Variants in CNTNAP5 observed in about 807,000 individuals in gnomAD.
The protein encoded by CNTNAP5 is contactin associated protein family member 5.
A neutral mutation model predicts 150.2 loss-of-function variants in CNTNAP5; 72 were observed. The observed-to-expected ratio is 0.48, with a 90% CI of 0.40 to 0.58. The LOEUF (loss-of-function observed/expected upper bound fraction) is 0.58, where lower values mean the gene tolerates loss of function less well. Among genes scored for constraint, CNTNAP5 ranks in the 20% least tolerant of loss-of-function variants. The pLI is 0.00. For missense variants in CNTNAP5, 1,636 were observed against 1,626.2 expected, an observed-to-expected ratio of 1.01 and a Z score of -0.10; for synonymous variants, 672 against 619.8, an observed-to-expected ratio of 1.08 and a Z score of -1.25.
chr2:124,894,425 A>G (rs2104751387), intron 21 of CNTNAP5, among the ~76,000 whole-genome samples: 1 of 151,698 alleles, frequency 6.6e-6, no homozygotes, highest in African/African-American at 2.4e-5. Flanking sequence ...CACATGAGTC[A>G]TTTATTCTGA....
At chr2:124,437,981 TAA>T in intron 5 of CNTNAP5, among the ~76,000 whole-genome samples, 1 of 152,306 alleles carries the variant, frequency 6.6e-6, no homozygotes, top group South Asian at 2.1e-4. Context: ...AAATTCAGGC[TAA>T]GAGTGAAGAA....
At chr2:124,750,678 T>C (rs1020733842) in intron 14 of CNTNAP5, among the ~76,000 whole-genome samples, 1 of 151,510 alleles carries the variant, frequency 6.6e-6, no homozygotes, top group Admixed American at 6.6e-5. Flanking sequence ...GTAATGGTGG[T>C]TTTTGTCATT....
chr2:124,220,381 C>T (rs1686273733), intron 1 of CNTNAP5, among the ~76,000 whole-genome samples: 1 of 152,054 alleles, frequency 6.6e-6, no homozygotes, highest in African/African-American at 2.4e-5. Context: ...ATCCTGCCTC[C>T]CATTCTTTCC....
chr2:124,204,282 C>T (rs1005134491), intron 1 of CNTNAP5, among the ~76,000 whole-genome samples: 6 of 152,168 alleles, frequency 3.9e-5, no homozygotes, highest in Non-Finnish European at 5.9e-5. Flanking sequence ...CAACAAGTTC[C>T]TCATCTTCAT....
chr2:124,876,456 T>C (rs1041916191), intron 21 of CNTNAP5, among the ~76,000 whole-genome samples: 2 of 151,628 alleles, frequency 1.3e-5, no homozygotes, highest in African/African-American at 4.8e-5. Flanking sequence ...TGCTCTCCCT[T>C]TTTTAAGAGG....
rs538025786 is a variant in CNTNAP5 at position 124,775,968 on chromosome 2, T to C, written c.2752+2951T>C. On this transcript the variant is annotated intron_variant, in intron 17 of 23. Transcript: ENST00000682447. ...TTCCTGGTCAGATGCCAACAAGCCA[T>C]AGGCCCTGGGTAGAAAACTAACTAG... Among the ~76,000 whole-genome samples, 37 of 152,246 alleles carry C rather than the reference T, an allele frequency of 2.4e-4. No individual in the cohort carries two copies. In the South Asian group the frequency reaches 7.2e-3, roughly 30 times the overall value.
Position 124,919,405 on chromosome 2 carries a change from G to T in CNTNAP5, c.*5117G>T, listed in dbSNP as rs1429795502. Among the ~76,000 whole-genome samples the T allele has an allele frequency of 1.3e-5, 2 of 152,100 alleles. No homozygotes were observed. Among genetic ancestry groups the T allele is most frequent in the African/African-American group, 4.8e-5 (2 of 41,430 alleles). On this transcript the variant is annotated 3_prime_UTR_variant, in exon 24 of 24. Transcript: ENST00000682447. ...TTTGTAAGCTAGATGTCTGTCTTAT[G>T]TAATGTTTATAGTCTACAAAATGGC...
intron 3 of CNTNAP5, among the ~76,000 whole-genome samples, chr2:124,360,914 G>C (rs1558867471): frequency 6.9e-6 from 1 of 145,486 alleles, no homozygotes; most frequent in Non-Finnish European, 1.5e-5. Flanking sequence ...TTTCCAACTT[G>C]GTTCCCTTCT....
chr2:124,280,774 A>C (rs926251392), intron 3 of CNTNAP5, among the ~76,000 whole-genome samples: 7 of 152,118 alleles, frequency 4.6e-5, no homozygotes, highest in Admixed American at 6.5e-5. Context: ...CTAAAAAAAA[A>C]ATACATTTAT....
intron 1 of CNTNAP5, among the ~76,000 whole-genome samples, chr2:124,027,385 C>T (rs1285879341): frequency 6.6e-6 from 1 of 152,200 alleles, no homozygotes; most frequent in Non-Finnish European, 1.5e-5. Context: ...TTCAGCACAG[C>T]TGCCTATCTG....
chr2:124,474,134 T>C (rs914123922), intron 6 of CNTNAP5, among the ~76,000 whole-genome samples: 2 of 152,050 alleles, frequency 1.3e-5, no homozygotes, highest in African/African-American at 4.8e-5. Flanking sequence ...AAATCAACAT[T>C]ATATTTACTT....
intron 10 of CNTNAP5, among the ~76,000 whole-genome samples, chr2:124,547,494 C>G (rs1021138620): frequency 2.6e-5 from 4 of 152,152 alleles, no homozygotes; most frequent in Non-Finnish European, 4.4e-5. Context: ...CCAGTAAAGG[C>G]AGGGGACATG....
At chr2:124,237,450 A>G (rs1301947616) in intron 2 of CNTNAP5, among the ~76,000 whole-genome samples, 2 of 152,182 alleles carry the variant, frequency 1.3e-5, no homozygotes, top group African/African-American at 4.8e-5. Flanking sequence ...TTTGGAATGC[A>G]GGATTAGCAA....
At position 124,533,955 on chromosome 2, in the gene CNTNAP5, T is replaced by A. The variant is rs542990161; in HGVS notation, c.1649+6499T>A. ...AGCCTGCGGGTGGTGGTGGTGCCTA[T>A]ATAATAGGAGTGACTCCACCTCTCC... On this transcript the variant is annotated intron_variant, in intron 10 of 23. Transcript: ENST00000682447. Among the ~76,000 whole-genome samples the A allele has an allele frequency of 4.1e-4, 62 of 152,278 alleles. No homozygotes were observed. In the Middle Eastern group the frequency reaches 0.014, roughly 33 times the overall value.
chr2:124,487,696 T>C (rs1341059557), intron 7 of CNTNAP5, among the ~76,000 whole-genome samples: 1 of 152,042 alleles, frequency 6.6e-6, no homozygotes. Flanking sequence ...ATTGCAATCA[T>C]AATGAATGCT....
chr2:124,227,633 CGTGTGTATGTGTGTGT>C (rs1369952822), intron 2 of CNTNAP5, among the ~76,000 whole-genome samples: 1 of 122,020 alleles, frequency 8.2e-6, no homozygotes, highest in Non-Finnish European at 1.7e-5. Context: ...CTCAGCACAT[CGTGTGTATGTGTGTGT>C]GTGTGTGTGT....
Position 124,747,230 on chromosome 2 carries a change from T to A in CNTNAP5, c.2079T>A (p.Asp693Glu), listed in dbSNP as rs1320503575. ...CTGGTGGAATATCTTGTCTTCCAGA[T>A]GGAACACCATTTACCTGGTGGATTG... ...CRRSRLLNTPDGTPFTWWIGR... is the reference protein window; with the variant it reads ...CRRSRLLNTPEGTPFTWWIGR... The change falls in exon 14 of 24, where the codon GAT becomes GAA. Residue 693 changes from aspartate (D) to glutamate (E), a missense_variant and splice_region_variant. By Grantham distance (45) the Asp-to-Glu change is conservative (BLOSUM62 2). Transcript: ENST00000682447. The A allele has an allele frequency of 1.9e-6, 3 of 1,612,164 alleles. No individual in the cohort carries two copies. The highest frequency in any genetic ancestry group is 1.3e-5 in the African/African-American group (1 of 74,896).
chr2:124,041,123 G>C (rs186436920), intron 1 of CNTNAP5, among the ~76,000 whole-genome samples: 1 of 152,136 alleles, frequency 6.6e-6, no homozygotes, highest in Non-Finnish European at 1.5e-5. Context: ...CATTAGTAAA[G>C]TTAATCCAAA....
chr2:124,748,939 A>G lies in CNTNAP5; in HGVS notation c.2234+1554A>G, dbSNP rs1680663770. On this transcript the variant is annotated intron_variant, in intron 14 of 23. Transcript: ENST00000682447. ...GAGCCCCCACTTTATCCTGCAGCGA[A>G]TTCTATCTCATTATTGCGGATGCCT... Among the ~76,000 whole-genome samples, 3 of 152,188 alleles carry G rather than the reference A, an allele frequency of 2.0e-5. No individual in the cohort carries two copies. In the South Asian group the frequency reaches 6.2e-4, roughly 32 times the overall value.
Sources: gnomAD v4.1 joint callset for allele counts (sites outside exome capture counted in the v4.1 genomes callset) on GRCh38, gnomAD v4.1.1 for gene constraint, MANE v1.5 for transcripts, NCBI Gene and HGNC (gene_info 2026-07-23, HGNC 2026-07-21) for gene names.